The following RAP1GAP2 variants were observed in gnomAD, a reference collection of about 807,000 sequenced individuals.
The protein encoded by RAP1GAP2 is rap1 GTPase-activating protein 2.
RAP1GAP2 carries 27 observed loss-of-function variants against 95.0 expected under a neutral mutation model. The observed-to-expected ratio is 0.28, with a 90% CI of 0.21 to 0.39. RAP1GAP2 has a LOEUF of 0.39. Among genes scored for constraint, RAP1GAP2 ranks in the 10% least tolerant of loss-of-function variants. The pLI is 1.00. For missense variants in RAP1GAP2, 771 were observed against 970.0 expected, an observed-to-expected ratio of 0.79 and a Z score of 2.72; for synonymous variants, 373 against 380.9, an observed-to-expected ratio of 0.98 and a Z score of 0.24.
At chr17:2,766,608 TA>T (rs372761020) in intron 1 of RAP1GAP2, among the ~76,000 whole-genome samples, 324 of 143,550 alleles carry the variant, frequency 2.3e-3, no homozygotes, top group African/African-American at 4.5e-3. Context: ...AGACTCCGTC[TA>T]AAAAAAAAAA....
chr17:3,021,403 A>G (rs959500590), intron 19 of RAP1GAP2, among the ~76,000 whole-genome samples: 1 of 141,860 alleles, frequency 7.0e-6, no homozygotes, highest in African/African-American at 2.6e-5. Flanking sequence ...TAGCTCCCAC[A>G]TATGAATGAG....
At position 2,797,245 on chromosome 17, in the gene RAP1GAP2, G is replaced by A. The variant is rs1057054240; in HGVS notation, c.44+674G>A. Among the ~76,000 whole-genome samples the A allele has an allele frequency of 6.6e-6, 1 of 152,186 alleles. No individual in the cohort carries two copies. The highest frequency in any genetic ancestry group is 1.5e-5 in the Non-Finnish European group (1 of 68,036). ...TGTCCTAGCCTGAGCAGCTGCATCT[G>A]TCCCCAGCCTCCTGCCTGGCCCTCT... On this transcript the variant is annotated intron_variant, in intron 1 of 24. Coordinates refer to ENST00000254695, the MANE Select transcript of RAP1GAP2 (RefSeq NM_015085.5). The surrounding 1 kb of genome is among the most constrained non-coding windows in gnomAD (Gnocchi z 5.6).
intron 2 of RAP1GAP2, among the ~76,000 whole-genome samples, chr17:2,819,993 G>A (rs941629335): frequency 1.3e-5 from 2 of 151,554 alleles, no homozygotes; most frequent in Non-Finnish European, 2.9e-5. Context: ...TCACCATCTT[G>A]CTGTCTCAAA....
At chr17:3,010,412 A>G (rs554457468) in intron 17 of RAP1GAP2, among the ~76,000 whole-genome samples, 1 of 151,700 alleles carries the variant, frequency 6.6e-6, no homozygotes, top group African/African-American at 2.4e-5. Context: ...TTTTGTAGAC[A>G]TTTAATGAAG....
intron 1 of RAP1GAP2, among the ~76,000 whole-genome samples, chr17:2,759,857 G>A (rs1242810469): frequency 2.6e-5 from 4 of 152,166 alleles, no homozygotes; most frequent in African/African-American, 9.7e-5. Flanking sequence ...TGAGATTATA[G>A]ATTTGAGCCA....
chr17:2,883,386 G>A (rs1430257739), intron 2 of RAP1GAP2, among the ~76,000 whole-genome samples: 3 of 152,188 alleles, frequency 2.0e-5, no homozygotes, highest in African/African-American at 7.2e-5. Flanking sequence ...CCCAGCCTTT[G>A]CGGTTCCCTT....
At chr17:2,897,021 T>A (rs1397227949) in intron 2 of RAP1GAP2, among the ~76,000 whole-genome samples, 1 of 152,172 alleles carries the variant, frequency 6.6e-6, no homozygotes, top group Non-Finnish European at 1.5e-5. Flanking sequence ...GTCCCCTCAC[T>A]TGAGGGCCTT....
At chr17:2,938,845 G>A (rs958815703) in intron 3 of RAP1GAP2, among the ~76,000 whole-genome samples, 4 of 151,894 alleles carry the variant, frequency 2.6e-5, no homozygotes, top group Non-Finnish European at 5.9e-5. Flanking sequence ...AAATTAGCCG[G>A]GTATGGTGGC....
chr17:2,868,315 C>A (rs1189768464), intron 2 of RAP1GAP2, among the ~76,000 whole-genome samples: 1 of 152,116 alleles, frequency 6.6e-6, no homozygotes, highest in Non-Finnish European at 1.5e-5. Context: ...GAGATAGGCA[C>A]CTCTAGATGG....
intron 2 of RAP1GAP2, among the ~76,000 whole-genome samples, chr17:2,890,846 G>A (rs1255593041): frequency 2.0e-5 from 3 of 151,828 alleles, no homozygotes; most frequent in Admixed American, 6.6e-5. Flanking sequence ...CACCACGCCC[G>A]GCTAATTTTT....
upstream of RAP1GAP2, among the ~76,000 whole-genome samples, chr17:2,792,306 A>T (rs1411247324): frequency 6.6e-6 from 1 of 152,228 alleles, no homozygotes; most frequent in African/African-American, 2.4e-5. Flanking sequence ...CGTCCTTGAC[A>T]GTAATGATAG....
intron 8 of RAP1GAP2, among the ~76,000 whole-genome samples, chr17:2,968,666 A>G (rs1392224986): frequency 2.6e-5 from 4 of 152,200 alleles, no homozygotes; most frequent in Non-Finnish European, 1.5e-5. Flanking sequence ...GGAATAATAA[A>G]GAAATATGAT....
At position 2,963,756 on chromosome 17, in the gene RAP1GAP2, C is replaced by G. The variant is rs988589787; in HGVS notation, c.280-100C>G. 2 of 1,087,324 alleles carry G rather than the reference C, an allele frequency of 1.8e-6. No homozygotes were observed. The highest frequency in any genetic ancestry group is 2.6e-6 in the Non-Finnish European group (2 of 763,694). The allele number at this position is 1,087,324 out of a possible 1,614,324, so 67.4% of individuals were successfully genotyped here. On this transcript the variant is annotated intron_variant, in intron 6 of 24. Transcript: ENST00000254695. This position sits in a 1 kb window ranked among gnomAD's most constrained non-coding sequence, Gnocchi z 4.8. ...TTTGGCCTCAAGTACCAGTGGGTACCAGGCCCCACTCCTGGGAGCAGCGCA... is the reference window on the plus strand; with the variant it reads ...TTTGGCCTCAAGTACCAGTGGGTACGAGGCCCCACTCCTGGGAGCAGCGCA...
intron 2 of RAP1GAP2, among the ~76,000 whole-genome samples, chr17:2,878,843 G>A (rs1467167236): frequency 6.6e-6 from 1 of 152,238 alleles, no homozygotes; most frequent in Non-Finnish European, 1.5e-5. Flanking sequence ...CTTGGTAGCT[G>A]CGTGAGCACG....
chr17:2,798,653 TG>T (rs2069161175), intron 1 of RAP1GAP2, among the ~76,000 whole-genome samples: 1 of 4,348 alleles, frequency 2.3e-4, no homozygotes, highest in South Asian at 7.0e-3. Context: ...TGAGGGTGGG[TG>T]GGATGGGATG....
At position 3,027,020 on chromosome 17, in the gene RAP1GAP2, C is replaced by G. The variant is rs1384884430; in HGVS notation, c.2057C>G (p.Pro686Arg). Residue 686 changes from proline (P) to arginine (R), a missense_variant, in exon 22 of 25, where the codon CCC becomes CGC. By Grantham distance (103) the Pro-to-Arg change is moderately radical. Transcript: ENST00000254695. This position sits in a 1 kb window ranked among gnomAD's most constrained non-coding sequence, Gnocchi z 5.2. ...AGCCCGTCCCCGAGCAGCGAGAGCC[C>G]CAGCCTGGGGGCAGCTGCCACCCCG... ...VYSPSPSSES[P>R]SLGAAATPII... 6.4e-7 allele frequency: 1 copy of G among 1,571,750 alleles called. No homozygotes were observed. Among genetic ancestry groups the G allele is most frequent in the Non-Finnish European group, 8.6e-7 (1 of 1,158,846 alleles).
chr17:3,019,584 A>G (rs1282032316), intron 18 of RAP1GAP2, among the ~76,000 whole-genome samples: 1 of 152,200 alleles, frequency 6.6e-6, no homozygotes, highest in Non-Finnish European at 1.5e-5. Flanking sequence ...TTTTCCTTCA[A>G]AATAGCAGAA....
intron 13 of RAP1GAP2, among the ~76,000 whole-genome samples, chr17:2,996,512 G>T (rs2045965908): frequency 6.6e-6 from 1 of 152,228 alleles, no homozygotes; most frequent in African/African-American, 2.4e-5. Context: ...CAAACGAGAT[G>T]ATGAGTTGGC....
At chr17:2,839,578 T>C (rs930654188) in intron 2 of RAP1GAP2, among the ~76,000 whole-genome samples, 2 of 152,186 alleles carry the variant, frequency 1.3e-5, no homozygotes, top group African/African-American at 4.8e-5. Context: ...AATGTCCTTT[T>C]CTGTTCCAGG....
Sources: allele counts gnomAD v4.1 joint callset (sites outside exome capture counted in the v4.1 genomes callset), GRCh38; gene constraint gnomAD v4.1.1; non-coding constraint Gnocchi (gnomAD v3.1); transcripts MANE v1.5; gene names NCBI Gene and HGNC (gene_info 2026-07-23, HGNC 2026-07-21).